The following FNIP1 variants were observed in gnomAD, a reference collection of about 807,000 sequenced individuals.
FNIP1 encodes folliculin interacting protein 1.
FNIP1 carries 40 observed loss-of-function variants against 124.5 expected under a neutral mutation model. The ratio of observed to expected loss-of-function variants is 0.32; its 90% CI spans 0.25 to 0.42. The LOEUF (loss-of-function observed/expected upper bound fraction) is 0.42. Among genes scored for constraint, FNIP1 ranks in the 10% least tolerant of loss-of-function variants. FNIP1 has a pLI of 1.00. For synonymous variants in FNIP1, 472 were observed against 470.6 expected, an observed-to-expected ratio of 1.00 and a Z score of -0.04; for missense variants, 1,176 against 1,403.7, an observed-to-expected ratio of 0.84 and a Z score of 2.59.
rs963585738 is a variant in FNIP1 at position 131,690,003 on chromosome 5, G to A, written c.1202+8914C>T. On this transcript the variant is annotated intron_variant, in intron 11 of 17. Coordinates refer to ENST00000510461, the MANE Select transcript of FNIP1 (RefSeq NM_133372.3). ...TGGGAGGCCGAGGAGGGTGGATCGCGAGGTCAGGAGATCGAGGCCATCCTG... is the reference window on the plus strand; with the variant it reads ...TGGGAGGCCGAGGAGGGTGGATCGCAAGGTCAGGAGATCGAGGCCATCCTG... Among the ~76,000 whole-genome samples, 11 of 152,138 alleles carry A rather than the reference G, an allele frequency of 7.2e-5. 1 individual carries two copies. The South Asian group carries it at 1.0e-3, about 14-fold the overall frequency.
At chr5:131,756,198 G>T (rs1249258916) in intron 1 of FNIP1, among the ~76,000 whole-genome samples, 2 of 152,070 alleles carry the variant, frequency 1.3e-5, no homozygotes, top group African/African-American at 2.4e-5. Flanking sequence ...GCAATTGATT[G>T]AAGAGAAAGA....
rs1306743138 is a variant in FNIP1 at position 131,644,146 on chromosome 5, T to A, written c.*539A>T. ...CACTTGGGTGGATAACATAACACAT[T>A]TACACTCATTATTCTGAGTTTCTTA... On this transcript the variant is annotated 3_prime_UTR_variant, in exon 18 of 18. Coordinates refer to ENST00000510461, the MANE Select transcript of FNIP1 (RefSeq NM_133372.3). The A allele has an allele frequency of 6.6e-6, 1 of 152,432 alleles. No homozygotes were observed. Among genetic ancestry groups the A allele is most frequent in the African/African-American group, 2.4e-5 (1 of 41,460 alleles). 9.4% of individuals were successfully genotyped at this position (152,432 alleles called of 1,614,324 possible).
At chr5:131,743,459 G>T (rs1770575284) in intron 2 of FNIP1, among the ~76,000 whole-genome samples, 1 of 151,612 alleles carries the variant, frequency 6.6e-6, no homozygotes, top group South Asian at 2.1e-4. Context: ...GAGCCTGAGT[G>T]ATAGAGAGAC....
chr5:131,694,873 G>C (rs893528981), intron 11 of FNIP1, among the ~76,000 whole-genome samples: 1 of 152,120 alleles, frequency 6.6e-6, no homozygotes, highest in African/African-American at 2.4e-5. Flanking sequence ...GGGAGGCCAA[G>C]GCACACAGAT....
At chr5:131,796,759 G>A in intron 1 of FNIP1, 71 bp downstream of exon 1, 7 of 1,404,798 alleles carry the variant, frequency 5.0e-6, no homozygotes, top group Non-Finnish European at 5.8e-6. Flanking sequence ...AACACCGAAG[G>A]CCCCAACACC....
intron 6 of FNIP1, among the ~76,000 whole-genome samples, chr5:131,716,277 C>A (rs1268682577): frequency 6.6e-6 from 1 of 152,088 alleles, no homozygotes; most frequent in Non-Finnish European, 1.5e-5. Context: ...TCACTGACAC[C>A]TTTCAAAGAT....
chr5:131,689,089 G>A (rs1354862336), intron 11 of FNIP1, among the ~76,000 whole-genome samples: 3 of 149,532 alleles, frequency 2.0e-5, no homozygotes, highest in Non-Finnish European at 3.0e-5. Flanking sequence ...AAGTAAGAAG[G>A]ACAAAAACAA....
Position 131,719,195 on chromosome 5 carries a change from T to C in FNIP1, c.455+122A>G, listed in dbSNP as rs571206151. The stretch of plus-strand genomic sequence containing the variant: ...GAGCCATGAAGTAGCATTAAAACCA[T>C]AGAACATGTTAAATGGAGTATGACA... On this transcript the variant is annotated intron_variant, in intron 4 of 17. Transcript: ENST00000510461. 5.3e-5 allele frequency: 61 copies of C among 1,148,258 alleles called. No individual in the cohort carries two copies. The African/African-American group carries it at 7.0e-4, about 13-fold the overall frequency. 71.1% of individuals were successfully genotyped at this position (1,148,258 alleles called of 1,614,324 possible).
rs1769120752 is a variant in FNIP1 at position 131,706,560 on chromosome 5, A to G, written c.779-14T>C. ...TGCTGAGAGATGCTGTTAAGTCAGA[A>G]GAACAACAAGTATAAGTCAATAATG... On this transcript the variant is annotated splice_polypyrimidine_tract_variant and intron_variant, in intron 8 of 17. Coordinates refer to ENST00000510461, the MANE Select transcript of FNIP1 (RefSeq NM_133372.3). 1.9e-6 allele frequency: 3 copies of G among 1,554,786 alleles called. No homozygotes were observed. In the East Asian group the frequency reaches 6.9e-5, roughly 36 times the overall value.
At chr5:131,742,520 T>C (rs1770546353) in intron 2 of FNIP1, among the ~76,000 whole-genome samples, 1 of 152,280 alleles carries the variant, frequency 6.6e-6, no homozygotes, top group South Asian at 2.1e-4. Flanking sequence ...CTTTGGTATA[T>C]TAAATGGTCA....
At chr5:131,706,310 C>T in intron 9 of FNIP1, 101 bp downstream of exon 9, 1 of 1,296,104 alleles carries the variant, frequency 7.7e-7, no homozygotes, top group Non-Finnish European at 1.0e-6. Context: ...CAGTTTCAAA[C>T]TTAAAATACA....
chr5:131,758,661 C>T (rs186689618), intron 1 of FNIP1, among the ~76,000 whole-genome samples: 2 of 152,292 alleles, frequency 1.3e-5, no homozygotes, highest in Non-Finnish European at 2.9e-5. Flanking sequence ...AGTGTGTCAG[C>T]TTATCTGCTC....
intron 1 of FNIP1, among the ~76,000 whole-genome samples, chr5:131,760,147 G>T (rs1185237917): frequency 6.6e-6 from 1 of 152,020 alleles, no homozygotes; most frequent in Non-Finnish European, 1.5e-5. Context: ...CTCACTACCT[G>T]GGTGATGGAA....
chr5:131,765,391 T>TA (rs1191293742), intron 1 of FNIP1, among the ~76,000 whole-genome samples: 1 of 152,124 alleles, frequency 6.6e-6, no homozygotes, highest in African/African-American at 2.4e-5. Context: ...AGATGCATCA[T>TA]AAACTGTTTT....
At chr5:131,666,558 G>C (rs1767610506) in intron 15 of FNIP1, among the ~76,000 whole-genome samples, 2 of 152,136 alleles carry the variant, frequency 1.3e-5, no homozygotes, top group Admixed American at 1.3e-4. Flanking sequence ...CTTAAGAACA[G>C]GCAGTTAAGA....
intron 2 of FNIP1, among the ~76,000 whole-genome samples, chr5:131,743,510 G>A (rs921689612): frequency 3.3e-5 from 5 of 151,984 alleles, no homozygotes; most frequent in Non-Finnish European, 5.9e-5. Context: ...CAAGAAAGAT[G>A]ACTGAGAGGG....
chr5:131,783,593 C>T lies in FNIP1; in HGVS notation c.92+13237G>A, dbSNP rs556780629. The stretch of plus-strand genomic sequence containing the variant: ...ACTAAAATGTCTCCAGATTAAAAGC[C>T]CCATCAAATATCAGCAAATGAATTA... On this transcript the variant is annotated intron_variant, in intron 1 of 17. Transcript: ENST00000510461. 5.2e-4 allele frequency among the ~76,000 whole-genome samples: 79 copies of T among 151,936 alleles called. 1 individual carries two copies. The highest frequency in any genetic ancestry group is 1.7e-3 in the African/African-American group (71 of 41,438).
At chr5:131,707,236 C>T (rs546836837) in intron 8 of FNIP1, among the ~76,000 whole-genome samples, 2 of 152,314 alleles carry the variant, frequency 1.3e-5, no homozygotes, top group South Asian at 4.1e-4. Context: ...GCTACAACTG[C>T]TGATTTTTCA....
intron 11 of FNIP1, among the ~76,000 whole-genome samples, chr5:131,687,559 GA>G (rs1162949830): frequency 6.6e-6 from 1 of 152,166 alleles, no homozygotes; most frequent in African/African-American, 2.4e-5. Flanking sequence ...CAGAACAAGG[GA>G]AAAACTGAAG....
Sources: allele counts gnomAD v4.1 joint callset (sites outside exome capture counted in the v4.1 genomes callset), GRCh38; gene constraint gnomAD v4.1.1; transcripts MANE v1.5; gene names NCBI Gene and HGNC (gene_info 2026-07-23, HGNC 2026-07-21).